DGKG: variants seen among roughly 807,000 people sequenced by gnomAD.
The protein encoded by DGKG is DAG kinase gamma.
DGKG carries 78 observed loss-of-function variants against 105.3 expected under a neutral mutation model. The observed-to-expected ratio is 0.74, with a 90% CI of 0.62 to 0.89. The LOEUF (loss-of-function observed/expected upper bound fraction) is 0.89, where lower values mean the gene tolerates loss of function less well. Ranked by LOEUF, DGKG falls within the 40% of genes least tolerant of loss-of-function variation. DGKG has a pLI of 0.00. For missense variants in DGKG, 958 were observed against 1,020.1 expected, an observed-to-expected ratio of 0.94 and a Z score of 0.83; for synonymous variants, 346 against 367.1, an observed-to-expected ratio of 0.94 and a Z score of 0.66.
chr3:186,314,753 C>CA (rs1161706511), intron 2 of DGKG, among the ~76,000 whole-genome samples: 6,886 of 61,988 alleles, frequency 0.11, 329 homozygotes, highest in Non-Finnish European at 0.18. Flanking sequence ...GACTCCGTCT[C>CA]AAAAAAAAAA....
In DGKG at chr3:186,148,413, C is replaced by T. The variant is rs1376141745; in HGVS notation, c.*1677G>A. ...TTTAGTACCTTCGATCTCAGACCAA[C>T]TTCTTTTCCATTCAGGTCAGAGAGA... On this transcript the variant is annotated 3_prime_UTR_variant, in exon 25 of 25. Transcript: ENST00000265022. 2.0e-6 allele frequency: 2 copies of T among 985,308 alleles called. No individual in the cohort carries two copies. The highest frequency in any genetic ancestry group is 1.2e-4 in the Admixed American group (2 of 16,258). 61.0% of individuals were successfully genotyped at this position (985,308 alleles called of 1,614,324 possible). A position where few individuals can be genotyped will look rare whatever the true frequency, so the allele number is the denominator to read the frequency against.
At chr3:186,358,725 G>A (rs1727095958) in intron 1 of DGKG, among the ~76,000 whole-genome samples, 1 of 151,858 alleles carries the variant, frequency 6.6e-6, no homozygotes, top group Non-Finnish European at 1.5e-5. Context: ...CTATGGTTGG[G>A]TGTGGAATTC....
intron 2 of DGKG, among the ~76,000 whole-genome samples, chr3:186,312,113 A>T: frequency 1.2e-5 from 1 of 86,228 alleles, no homozygotes; most frequent in Non-Finnish European, 1.9e-5. Context: ...ACAGAGCGAG[A>T]CTCCGTCTCA....
intron 17 of DGKG, among the ~76,000 whole-genome samples, chr3:186,256,065 C>T (rs1033863251): frequency 3.3e-5 from 5 of 152,146 alleles, no homozygotes; most frequent in South Asian, 2.1e-4. Context: ...GAGAGGGAGC[C>T]GTGTGAGTAG....
chr3:186,216,278 G>A (rs1356494796), intron 20 of DGKG, among the ~76,000 whole-genome samples: 2 of 151,956 alleles, frequency 1.3e-5, no homozygotes, highest in Admixed American at 6.6e-5. Flanking sequence ...GGGATTGCAG[G>A]CCACCGCACC....
At chr3:186,155,383 G>A (rs1715986915) in intron 24 of DGKG, among the ~76,000 whole-genome samples, 1 of 151,998 alleles carries the variant, frequency 6.6e-6, no homozygotes, top group Non-Finnish European at 1.5e-5. Flanking sequence ...CAGTACAGAC[G>A]AGGTTTCACT....
rs115595052 is a variant in DGKG, at chr3:186,245,636, C to T, written c.1762-3068G>A. Among the ~76,000 whole-genome samples the T allele has an allele frequency of 6.3e-3, 955 of 152,264 alleles. 10 individuals are homozygous for T. The highest frequency in any genetic ancestry group is 0.022 in the African/African-American group (920 of 41,542). ...GAAGTGATGATAGCATTTCTCACAG[C>T]CTTACTCTCTGAGGTCTTTTCTTTC... On this transcript the variant is annotated intron_variant, in intron 19 of 24. Transcript: ENST00000265022.
rs756489949 is a variant in DGKG, at chr3:186,251,917, A to G, written c.1603T>C (p.Tyr535His). Residue 535 changes from tyrosine (Y) to histidine (H), a missense_variant and splice_region_variant, in exon 19 of 25, where the codon TAT becomes CAT. Coordinates refer to ENST00000265022, the MANE Select transcript of DGKG (RefSeq NM_001346.3). ...LARCLRWGGG[Y>H]EGGSLTKILK... Reference sequence around the variant, plus strand: ...ATTTTTGTCAAGCTGCCCCCTTCATAACCTGTGGAGGACAGCACTGCATTT... The same window carrying G: ...ATTTTTGTCAAGCTGCCCCCTTCATGACCTGTGGAGGACAGCACTGCATTT... 5.1e-6 allele frequency: 8 copies of G among 1,575,950 alleles called. No individual in the cohort carries two copies. Among genetic ancestry groups the G allele is most frequent in the Non-Finnish European group, 6.9e-6 (8 of 1,159,538 alleles).
intron 5 of DGKG, among the ~76,000 whole-genome samples, chr3:186,293,650 G>A (rs544898660): frequency 1.6e-3 from 241 of 152,366 alleles, no homozygotes; most frequent in Non-Finnish European, 1.9e-3. Context: ...CTCTGGGAAT[G>A]AAGTGGGCTT....
intron 5 of DGKG, 22 bp from the exon 6 acceptor site, chr3:186,288,902 C>A: frequency 6.6e-7 from 1 of 1,522,132 alleles, no homozygotes; most frequent in Non-Finnish European, 8.8e-7. Context: ...AAAAGGAAAA[C>A]ATCCAAGGAC....
intron 1 of DGKG, among the ~76,000 whole-genome samples, chr3:186,328,871 G>A (rs924848355): frequency 5.3e-5 from 8 of 152,128 alleles, no homozygotes; most frequent in African/African-American, 1.4e-4. Flanking sequence ...GAGCCACTGC[G>A]CCCGGCCTTA....
At chr3:186,278,335 G>T (rs1448022581) in intron 9 of DGKG, among the ~76,000 whole-genome samples, 2 of 152,170 alleles carry the variant, frequency 1.3e-5, no homozygotes, top group African/African-American at 4.8e-5. Context: ...AAAGTCAGCA[G>T]AAAGCATATC....
intron 12 of DGKG, among the ~76,000 whole-genome samples, chr3:186,268,061 G>C (rs1722141224): frequency 6.6e-6 from 1 of 152,164 alleles, no homozygotes. Context: ...GGCACCCCAT[G>C]TTGATTCCAG....
At chr3:186,189,017 G>A (rs1010431852) in intron 21 of DGKG, among the ~76,000 whole-genome samples, 18 of 151,956 alleles carry the variant, frequency 1.2e-4, no homozygotes, top group South Asian at 2.1e-4. Flanking sequence ...GTTTCACTAC[G>A]TTGGCCAGGA....
chr3:186,221,738 G>A (rs1213203795), intron 20 of DGKG, among the ~76,000 whole-genome samples: 1 of 152,180 alleles, frequency 6.6e-6, no homozygotes, highest in Non-Finnish European at 1.5e-5. Flanking sequence ...TGGCTGTCCT[G>A]CTGGAGCTGA....
chr3:186,151,206 T>C (rs550115869), intron 24 of DGKG, among the ~76,000 whole-genome samples: 2 of 152,308 alleles, frequency 1.3e-5, no homozygotes, highest in African/African-American at 4.8e-5. Context: ...CACTGTAAAC[T>C]GTAAAATGGA....
chr3:186,331,542 G>A (rs1411952793), intron 1 of DGKG, among the ~76,000 whole-genome samples: 1 of 152,144 alleles, frequency 6.6e-6, no homozygotes, highest in African/African-American at 2.4e-5. Flanking sequence ...CACCATTAGT[G>A]GCCTCAGAGT....
At chr3:186,201,083 C>T (rs964727594) in intron 21 of DGKG, among the ~76,000 whole-genome samples, 3 of 152,116 alleles carry the variant, frequency 2.0e-5, no homozygotes, top group East Asian at 3.9e-4. Flanking sequence ...TGGGTTGCTT[C>T]AGAGTTGGAC....
intron 20 of DGKG, among the ~76,000 whole-genome samples, 157 bp downstream of exon 20, chr3:186,242,347 T>G (rs1338686331): frequency 3.9e-5 from 6 of 151,958 alleles, no homozygotes; most frequent in Non-Finnish European, 8.8e-5. Flanking sequence ...GACACTTTTT[T>G]TTTTCTTGGA....
Sources: gnomAD v4.1 joint callset for allele counts (sites outside exome capture counted in the v4.1 genomes callset) on GRCh38, gnomAD v4.1.1 for gene constraint, MANE v1.5 for transcripts, NCBI Gene and HGNC (gene_info 2026-07-23, HGNC 2026-07-21) for gene names.